Variants in DPYD observed in about 807,000 individuals in gnomAD.
DPYD encodes dihydropyrimidine dehydrogenase [NADP(+)].
DPYD carries 109 observed loss-of-function variants against 116.2 expected under a neutral mutation model. The observed-to-expected ratio is 0.94, with a 90% CI of 0.80 to 1.10. DPYD has a LOEUF of 1.10. DPYD is among the 50% of genes least tolerant of loss of function. DPYD has a pLI of 0.00. For synonymous variants in DPYD, 440 were observed against 432.0 expected, an observed-to-expected ratio of 1.02 and a Z score of -0.23; for missense variants, 1,302 against 1,254.5, an observed-to-expected ratio of 1.04 and a Z score of -0.57.
chr1:97,156,075 C>T (rs1012746217), intron 20 of DPYD, among the ~76,000 whole-genome samples: 3 of 152,002 alleles, frequency 2.0e-5, no homozygotes, highest in Non-Finnish European at 2.9e-5. Context: ...CCAGTTGGTA[C>T]AAATAAATAA....
intron 10 of DPYD, among the ~76,000 whole-genome samples, chr1:97,578,258 T>G (rs893297294): frequency 6.6e-6 from 1 of 152,126 alleles, no homozygotes; most frequent in African/African-American, 2.4e-5. Flanking sequence ...ACACAGAAAA[T>G]ACATATAATG....
chr1:97,126,699 T>C (rs1272611171), intron 20 of DPYD, among the ~76,000 whole-genome samples: 2 of 152,142 alleles, frequency 1.3e-5, no homozygotes, highest in Non-Finnish European at 2.9e-5. Flanking sequence ...AATCTTGTAA[T>C]ATTAATAGCA....
chr1:97,697,037 A>G (rs923182752), intron 6 of DPYD, among the ~76,000 whole-genome samples: 2 of 152,126 alleles, frequency 1.3e-5, no homozygotes, highest in African/African-American at 4.8e-5. Context: ...CAGAATGTAT[A>G]TATGTACAAA....
chr1:97,096,379 T>A (rs1650249072), intron 21 of DPYD, among the ~76,000 whole-genome samples: 1 of 152,172 alleles, frequency 6.6e-6, no homozygotes, highest in African/African-American at 2.4e-5. Flanking sequence ...AAATAATATC[T>A]TCCTTTAGAA....
intron 3 of DPYD, among the ~76,000 whole-genome samples, chr1:97,778,003 C>T (rs888082959): frequency 6.6e-6 from 1 of 151,272 alleles, no homozygotes; most frequent in Admixed American, 6.6e-5. Flanking sequence ...ACTAAAAATA[C>T]AAAAATTAGC....
At chr1:97,602,808 CTTCA>C (rs1655345156) in intron 8 of DPYD, among the ~76,000 whole-genome samples, 1 of 151,726 alleles carries the variant, frequency 6.6e-6, no homozygotes, top group Non-Finnish European at 1.5e-5. Context: ...GTACCTTTTT[CTTCA>C]TTATTATTTT....
intron 1 of DPYD, among the ~76,000 whole-genome samples, chr1:97,887,568 A>G (rs1310725209): frequency 6.6e-6 from 1 of 151,202 alleles, no homozygotes; most frequent in Non-Finnish European, 1.5e-5. Context: ...TAGCTACATT[A>G]TGTAAGATGT....
intron 8 of DPYD, among the ~76,000 whole-genome samples, chr1:97,666,350 G>A (rs1170912600): frequency 2.6e-5 from 4 of 151,900 alleles, no homozygotes; most frequent in African/African-American, 9.7e-5. Context: ...GTAGAGATAA[G>A]GTCTTGCTAT....
intron 18 of DPYD, among the ~76,000 whole-genome samples, chr1:97,250,601 T>C (rs1663022644): frequency 6.6e-6 from 1 of 152,086 alleles, no homozygotes; most frequent in Non-Finnish European, 1.5e-5. Context: ...ATTTTAAAAA[T>C]TATATTGAAC....
chr1:97,538,352 A>G (rs4950041), intron 12 of DPYD, among the ~76,000 whole-genome samples: 37,927 of 152,086 alleles, frequency 0.25, 4,987 homozygotes, highest in Admixed American at 0.31. Context: ...TCACACATTC[A>G]TTTCACATAG....
intron 11 of DPYD, among the ~76,000 whole-genome samples, chr1:97,559,481 A>G (rs1651984075): frequency 6.6e-6 from 1 of 152,144 alleles, no homozygotes; most frequent in African/African-American, 2.4e-5. Flanking sequence ...TGTGTGTTCA[A>G]TTTGGGCTTA....
intron 8 of DPYD, among the ~76,000 whole-genome samples, chr1:97,668,266 T>C (rs1278964750): frequency 6.6e-6 from 1 of 152,142 alleles, no homozygotes; most frequent in African/African-American, 2.4e-5. Flanking sequence ...CTTAATGTAT[T>C]AGCCAAGAGT....
chr1:97,245,372 G>A (rs977118744), intron 18 of DPYD, among the ~76,000 whole-genome samples: 2 of 152,026 alleles, frequency 1.3e-5, no homozygotes, highest in African/African-American at 4.8e-5. Flanking sequence ...CTCCAAATAA[G>A]AGCTTCTGGC....
intron 2 of DPYD, among the ~76,000 whole-genome samples, chr1:97,860,155 C>A (rs1292668364): frequency 6.6e-6 from 1 of 152,036 alleles, no homozygotes; most frequent in African/African-American, 2.4e-5. Flanking sequence ...ACAGTCTGGG[C>A]AGCATAACGA....
chr1:97,634,339 AT>A (rs1346846359), intron 8 of DPYD, among the ~76,000 whole-genome samples: 1 of 152,274 alleles, frequency 6.6e-6, no homozygotes, highest in Non-Finnish European at 1.5e-5. Context: ...ATTTAAATTA[AT>A]TTTAAGGAAC....
chr1:97,894,010 A>G (rs558947977), intron 1 of DPYD, among the ~76,000 whole-genome samples: 3 of 152,010 alleles, frequency 2.0e-5, no homozygotes, highest in Admixed American at 1.3e-4. Context: ...GACATAGACA[A>G]TTTAGTCTGT....
At chr1:97,392,429 A>C (rs1672757142) in intron 14 of DPYD, among the ~76,000 whole-genome samples, 1 of 151,462 alleles carries the variant, frequency 6.6e-6, no homozygotes, top group Non-Finnish European at 1.5e-5. Context: ...ATTATAGCTT[A>C]CCGTGGCATC....
At chr1:97,557,261 T>G (rs1651803053) in intron 11 of DPYD, among the ~76,000 whole-genome samples, 1 of 152,028 alleles carries the variant, frequency 6.6e-6, no homozygotes, top group Non-Finnish European at 1.5e-5. Flanking sequence ...TATTAGCCCT[T>G]TGTCAGATGA....
chr1:97,346,904 C>T (rs897442885), intron 16 of DPYD, among the ~76,000 whole-genome samples: 1 of 151,798 alleles, frequency 6.6e-6, no homozygotes, highest in Non-Finnish European at 1.5e-5. Context: ...GTGCTTAGAA[C>T]AATGTCTAGC....
Sources: gnomAD v4.1 joint callset for allele counts (sites outside exome capture counted in the v4.1 genomes callset) on GRCh38, gnomAD v4.1.1 for gene constraint, MANE v1.5 for transcripts, NCBI Gene and HGNC (gene_info 2026-07-23, HGNC 2026-07-21) for gene names.